The following WWOX variants were observed in gnomAD, a reference collection of about 807,000 sequenced individuals.
The protein encoded by WWOX is WW domain containing oxidoreductase.
A neutral mutation model predicts 46.2 loss-of-function variants in WWOX; 69 were observed. That is an observed-to-expected ratio of 1.49 (90% CI 1.23 to 1.82). The LOEUF (loss-of-function observed/expected upper bound fraction) is 1.82, where lower values mean the gene tolerates loss of function less well. Among genes scored for constraint, WWOX ranks in the 40% most tolerant of loss-of-function variants. The pLI is 0.00. For missense variants in WWOX, 919 were observed against 542.6 expected (o/e 1.69, Z -6.89); for synonymous variants, 359 against 202.6 (o/e 1.77, Z -6.56).
At chr16:79,188,992 G>C (rs979796873) in intron 8 of WWOX, among the ~76,000 whole-genome samples, 6 of 152,106 alleles carry the variant, frequency 3.9e-5, no homozygotes, top group Non-Finnish European at 8.8e-5. Flanking sequence ...GTGACACATA[G>C]TGGAAAGCTT....
At chr16:78,417,589 G>T (rs1339892591) in intron 6 of WWOX, among the ~76,000 whole-genome samples, 3 of 152,212 alleles carry the variant, frequency 2.0e-5, no homozygotes, top group Non-Finnish European at 2.9e-5. Context: ...GAGTTCAAAT[G>T]TAAGTCTCTC....
At chr16:78,861,479 C>G (rs921134547) in intron 8 of WWOX, among the ~76,000 whole-genome samples, 4 of 152,258 alleles carry the variant, frequency 2.6e-5, no homozygotes, top group South Asian at 2.1e-4. Flanking sequence ...GTTGTTTTAT[C>G]TCTCTCCACC....
chr16:78,877,984 G>C (rs980344012), intron 8 of WWOX, among the ~76,000 whole-genome samples: 2 of 152,348 alleles, frequency 1.3e-5, no homozygotes, highest in Admixed American at 6.5e-5. Flanking sequence ...TTACAGGTCA[G>C]ATGATTTTGT....
chr16:78,131,582 GT>G (rs570428535), intron 4 of WWOX, among the ~76,000 whole-genome samples: 6 of 148,694 alleles, frequency 4.0e-5, no homozygotes, highest in East Asian at 2.0e-4. Context: ...ATACTAAAAT[GT>G]TTTTTTTTTC....
intron 8 of WWOX, among the ~76,000 whole-genome samples, chr16:78,645,874 A>G (rs765994324): frequency 3.9e-5 from 6 of 152,178 alleles, no homozygotes; most frequent in South Asian, 4.2e-4. Context: ...ATTTGTTCTG[A>G]CTTTTTCGAT....
At chr16:78,961,649 C>A (rs1402376844) in intron 8 of WWOX, among the ~76,000 whole-genome samples, 1 of 152,094 alleles carries the variant, frequency 6.6e-6, no homozygotes, top group Non-Finnish European at 1.5e-5. Flanking sequence ...CTTTGATCTT[C>A]CAGCTTCACG....
At chr16:78,249,727 T>C (rs1030835170) in intron 5 of WWOX, among the ~76,000 whole-genome samples, 1 of 152,152 alleles carries the variant, frequency 6.6e-6, no homozygotes, top group Non-Finnish European at 1.5e-5. Context: ...ACTTGATTTT[T>C]TGTATTTATA....
rs527818226 is a variant in WWOX, at chr16:78,359,957, C to T, written c.517-26903C>T. ...AACACTCATCTTGCAAATTTGCCTT[C>T]ACTATTCAATCATTAGAAAATAATT... On this transcript the variant is annotated intron_variant, in intron 5 of 8. Transcript: ENST00000566780. Among the ~76,000 whole-genome samples, 3 of 152,304 alleles carry T rather than the reference C, an allele frequency of 2.0e-5. No homozygotes were observed. The East Asian group carries it at 5.8e-4, about 29-fold the overall frequency.
At chr16:78,387,412 G>A (rs1283422269) in intron 6 of WWOX, among the ~76,000 whole-genome samples, 1 of 152,020 alleles carries the variant, frequency 6.6e-6, no homozygotes, top group Non-Finnish European at 1.5e-5. Context: ...ACATGGATGT[G>A]GTTCCAAAAA....
At chr16:78,514,249 G>C (rs184810587) in intron 8 of WWOX, among the ~76,000 whole-genome samples, 1 of 152,200 alleles carries the variant, frequency 6.6e-6, no homozygotes, top group Admixed American at 6.5e-5. Context: ...TCCCACACTT[G>C]CTTTGACTCC....
At chr16:78,687,014 T>G (rs1485158748) in intron 8 of WWOX, among the ~76,000 whole-genome samples, 1 of 152,234 alleles carries the variant, frequency 6.6e-6, no homozygotes, top group Non-Finnish European at 1.5e-5. Context: ...TTTCCCCAGT[T>G]GGCACATCAT....
At chr16:78,413,216 C>G (rs562299550) in intron 6 of WWOX, among the ~76,000 whole-genome samples, 33 of 152,250 alleles carry the variant, frequency 2.2e-4, no homozygotes, top group African/African-American at 7.9e-4. Context: ...GGATCGGAGT[C>G]TTTAAGGAGA....
chr16:78,327,752 A>G (rs1441579152), intron 5 of WWOX, among the ~76,000 whole-genome samples: 2 of 151,742 alleles, frequency 1.3e-5, no homozygotes, highest in Admixed American at 6.6e-5. Flanking sequence ...GACCATGGCT[A>G]TATTATTTAG....
At chr16:78,658,004 T>G (rs1206280339) in intron 8 of WWOX, among the ~76,000 whole-genome samples, 9 of 152,126 alleles carry the variant, frequency 5.9e-5, no homozygotes, top group South Asian at 2.1e-4. Flanking sequence ...TCCTGGAGTT[T>G]CTCAACCTTG....
At chr16:78,839,976 T>C (rs568164676) in intron 8 of WWOX, among the ~76,000 whole-genome samples, 1 of 152,230 alleles carries the variant, frequency 6.6e-6, no homozygotes, top group Non-Finnish European at 1.5e-5. Flanking sequence ...TTGCTTCATT[T>C]TCCTGATCCT....
chr16:79,022,247 C>G, intron 8 of WWOX, among the ~76,000 whole-genome samples: 1 of 148,382 alleles, frequency 6.7e-6, no homozygotes, highest in Non-Finnish European at 1.5e-5. Context: ...GCTGGGATGA[C>G]AAGTGCTTGG....
At chr16:78,737,200 A>G (rs556317403) in intron 8 of WWOX, among the ~76,000 whole-genome samples, 5 of 151,954 alleles carry the variant, frequency 3.3e-5, no homozygotes, top group Admixed American at 3.3e-4. Flanking sequence ...CCCATGTTCA[A>G]GCTATTTTCC....
chr16:78,968,678 C>A (rs907019374), intron 8 of WWOX, among the ~76,000 whole-genome samples: 2 of 152,162 alleles, frequency 1.3e-5, no homozygotes, highest in Admixed American at 1.3e-4. Flanking sequence ...TCGGGAGAGG[C>A]AGAATGTGTC....
At chr16:78,977,416 G>A (rs2046594315) in intron 8 of WWOX, among the ~76,000 whole-genome samples, 1 of 152,124 alleles carries the variant, frequency 6.6e-6, no homozygotes, top group Admixed American at 6.6e-5. Context: ...TCTTTATTCT[G>A]TCCTCGCCCC....
Sources: allele counts gnomAD v4.1 joint callset (sites outside exome capture counted in the v4.1 genomes callset), GRCh38; gene constraint gnomAD v4.1.1; transcripts MANE v1.5; gene names NCBI Gene and HGNC (gene_info 2026-07-23, HGNC 2026-07-21).